The following EDIL3 variants were observed in gnomAD, a reference collection of about 807,000 sequenced individuals.
EDIL3 encodes the protein EGF like and discoidin domains 3.
Under a neutral mutation model 67.4 loss-of-function variants are expected in EDIL3, and 37 were observed. The ratio of observed to expected loss-of-function variants is 0.55; its 90% CI spans 0.42 to 0.72. The LOEUF (loss-of-function observed/expected upper bound fraction) is 0.72, where lower values mean the gene tolerates loss of function less well. Among genes scored for constraint, EDIL3 ranks in the 30% least tolerant of loss-of-function variants. The pLI is 0.00. For missense variants in EDIL3, 527 were observed against 586.3 expected (o/e 0.90, Z 1.04); for synonymous variants, 195 against 196.3 (o/e 0.99, Z 0.05).
At chr5:84,297,735 TAA>T (rs1326024620) in intron 1 of EDIL3, among the ~76,000 whole-genome samples, 2 of 152,088 alleles carry the variant, frequency 1.3e-5, no homozygotes, top group African/African-American at 4.8e-5. Context: ...CCTGTTGCAT[TAA>T]GGACATGATT....
intron 1 of EDIL3, among the ~76,000 whole-genome samples, chr5:84,343,798 T>A (rs1747177392): frequency 6.6e-6 from 1 of 152,092 alleles, no homozygotes. Flanking sequence ...GAATAGAACC[T>A]GGGAAAGAAG....
chr5:83,960,843 G>A (rs1437474983), intron 10 of EDIL3, among the ~76,000 whole-genome samples: 10 of 150,924 alleles, frequency 6.6e-5, no homozygotes, highest in Non-Finnish European at 1.5e-4. Context: ...TAAATAGTAA[G>A]ATGATAAATT....
chr5:84,358,856 C>T (rs1198251286), intron 1 of EDIL3, among the ~76,000 whole-genome samples: 1 of 152,018 alleles, frequency 6.6e-6, no homozygotes, highest in African/African-American at 2.4e-5. Context: ...ATGAACCACC[C>T]ACCTCGGCCT....
chr5:84,028,129 C>T (rs534572840), intron 9 of EDIL3, among the ~76,000 whole-genome samples: 2 of 152,074 alleles, frequency 1.3e-5, no homozygotes, highest in African/African-American at 4.8e-5. Context: ...CACTACTATC[C>T]ATGCAGGACT....
intron 3 of EDIL3, among the ~76,000 whole-genome samples, chr5:84,193,555 G>GT (rs1743636065): frequency 6.6e-6 from 1 of 151,888 alleles, no homozygotes; most frequent in African/African-American, 2.4e-5. Flanking sequence ...CGATTAGTGG[G>GT]TAAGGATATA....
chr5:84,150,079 C>T (rs975806094), intron 4 of EDIL3, among the ~76,000 whole-genome samples: 6 of 151,942 alleles, frequency 3.9e-5, no homozygotes, highest in African/African-American at 1.4e-4. Flanking sequence ...CAGATCTAAG[C>T]AGCTCAATAA....
At chr5:84,368,710 A>G (rs928841781) in intron 1 of EDIL3, among the ~76,000 whole-genome samples, 1 of 152,232 alleles carries the variant, frequency 6.6e-6, no homozygotes, top group East Asian at 1.9e-4. Context: ...TGAGAAAAAA[A>G]ATTTGCAAAA....
At chr5:84,053,834 A>G (rs1245585796) in intron 9 of EDIL3, among the ~76,000 whole-genome samples, 1 of 152,208 alleles carries the variant, frequency 6.6e-6, no homozygotes, top group East Asian at 1.9e-4. Flanking sequence ...CCAACCAAAA[A>G]AAGTCCAGGA....
intron 9 of EDIL3, among the ~76,000 whole-genome samples, chr5:83,994,442 A>G (rs1332459451): frequency 2.4e-5 from 3 of 125,132 alleles, no homozygotes; most frequent in Non-Finnish European, 5.0e-5. Context: ...GTTTTTATTT[A>G]GCAAAAAAAA....
At chr5:84,317,260 C>T (rs1746532500) in intron 1 of EDIL3, among the ~76,000 whole-genome samples, 1 of 152,072 alleles carries the variant, frequency 6.6e-6, no homozygotes, top group African/African-American at 2.4e-5. Flanking sequence ...TAACTAAGAT[C>T]AGAGCAGAAC....
chr5:84,354,540 C>G (rs1747436564), intron 1 of EDIL3, among the ~76,000 whole-genome samples: 1 of 151,622 alleles, frequency 6.6e-6, no homozygotes, highest in Non-Finnish European at 1.5e-5. Context: ...GCCTGTAATA[C>G]CAGCTACTCG....
intron 4 of EDIL3, among the ~76,000 whole-genome samples, chr5:84,151,156 TA>T (rs1393753635): frequency 6.6e-6 from 1 of 152,084 alleles, no homozygotes; most frequent in East Asian, 1.9e-4. Context: ...TAAATTTGTG[TA>T]TTTTATTCTG....
chr5:84,314,911 AT>A (rs1561254510), intron 1 of EDIL3, among the ~76,000 whole-genome samples: 1 of 152,114 alleles, frequency 6.6e-6, no homozygotes, highest in African/African-American at 2.4e-5. Context: ...AAATATAAAT[AT>A]TTTTTGAATT....
chr5:84,061,443 C>A (rs7728101), intron 8 of EDIL3, among the ~76,000 whole-genome samples: 90,219 of 151,882 alleles, frequency 0.59, 27,629 homozygotes, highest in African/African-American at 0.75. Context: ...CATATGAGCC[C>A]GGGGCTGAGT....
intron 9 of EDIL3, among the ~76,000 whole-genome samples, chr5:83,987,596 T>A (rs1745076160): frequency 6.6e-6 from 1 of 152,120 alleles, no homozygotes; most frequent in Non-Finnish European, 1.5e-5. Flanking sequence ...AAAGTGCAGA[T>A]CCTTGTGTAT....
intron 1 of EDIL3, among the ~76,000 whole-genome samples, chr5:84,322,289 C>A (rs1488006071): frequency 1.3e-5 from 2 of 151,136 alleles, no homozygotes; most frequent in African/African-American, 2.4e-5. Context: ...AAGACAACTG[C>A]CTCAAAGATC....
chr5:84,332,652 C>G (rs749596584), intron 1 of EDIL3, among the ~76,000 whole-genome samples: 3 of 152,106 alleles, frequency 2.0e-5, no homozygotes, highest in African/African-American at 4.8e-5. Context: ...ATTAGCATTA[C>G]TAGTATTTGT....
chr5:83,945,448 C>T (rs965893721), intron 10 of EDIL3, among the ~76,000 whole-genome samples: 1 of 151,894 alleles, frequency 6.6e-6, no homozygotes, highest in African/African-American at 2.4e-5. Context: ...TGCTAGTGAA[C>T]TTAATGTATA....
intron 9 of EDIL3, among the ~76,000 whole-genome samples, chr5:84,020,143 T>G (rs1745689804): frequency 6.6e-6 from 1 of 151,086 alleles, no homozygotes; most frequent in Admixed American, 6.6e-5. Flanking sequence ...TCCTCCAGCA[T>G]TCTAAAGGCA....
Sources: gnomAD v4.1 joint callset for allele counts (sites outside exome capture counted in the v4.1 genomes callset) on GRCh38, gnomAD v4.1.1 for gene constraint, MANE v1.5 for transcripts, NCBI Gene and HGNC (gene_info 2026-07-23, HGNC 2026-07-21) for gene names.